LCLAT1: variants seen among roughly 807,000 people sequenced by gnomAD.
The protein encoded by LCLAT1 is 1-AGP acyltransferase 8.
Under a neutral mutation model 30.7 loss-of-function variants are expected in LCLAT1, and 11 were observed. The observed-to-expected ratio is 0.36, with a 90% CI of 0.23 to 0.59. The LOEUF (loss-of-function observed/expected upper bound fraction) is 0.59, where lower values mean the gene tolerates loss of function less well. LCLAT1 is among the 20% of genes least tolerant of loss of function. The probability of loss-of-function intolerance (pLI) is 0.77; values close to 1 mark genes in which losing one functional copy is unlikely to be tolerated. For missense variants in LCLAT1, 402 were observed against 458.6 expected, an observed-to-expected ratio of 0.88 and a Z score of 1.13; for synonymous variants, 155 against 151.3, an observed-to-expected ratio of 1.02 and a Z score of -0.18.
intron 5 of LCLAT1, among the ~76,000 whole-genome samples, chr2:30,624,532 T>C (rs1668414006): frequency 6.6e-6 from 1 of 152,192 alleles, no homozygotes; most frequent in African/African-American, 2.4e-5. Context: ...AGGGACATTA[T>C]ATGATGACAA....
At chr2:30,513,706 C>T (rs955815119) in intron 1 of LCLAT1, among the ~76,000 whole-genome samples, 1 of 152,170 alleles carries the variant, frequency 6.6e-6, no homozygotes, top group Admixed American at 6.5e-5. Flanking sequence ...TTCGTAGTCA[C>T]CCCTCTGCTA....
chr2:30,619,488 AT>A (rs934414371), intron 5 of LCLAT1, among the ~76,000 whole-genome samples: 16 of 152,336 alleles, frequency 1.1e-4, no homozygotes, highest in African/African-American at 3.8e-4. Flanking sequence ...TTTTACAAAT[AT>A]GAAACTTTAC....
rs1417605865 is a variant in LCLAT1 at position 30,481,895 on chromosome 2, C to G, written c.-5+34512C>G. ...CATTATCCATAAATGGCTGTAGGAA[C>G]TTAGTATTGGCCTTTGACTTCCAAT... On this transcript the variant is annotated intron_variant, in intron 1 of 5. Coordinates refer to ENST00000379509, the MANE Select transcript of LCLAT1 (RefSeq NM_001002257.3). Among the ~76,000 whole-genome samples, 29 of 152,146 alleles carry G rather than the reference C, an allele frequency of 1.9e-4. 1 individual carries two copies. The highest frequency in any genetic ancestry group is 1.9e-3 in the Admixed American group (29 of 15,266).
chr2:30,571,444 TAGAC>T (rs1269714716), intron 5 of LCLAT1, among the ~76,000 whole-genome samples: 3 of 152,216 alleles, frequency 2.0e-5, no homozygotes, highest in Admixed American at 1.3e-4. Context: ...ATACCAATCA[TAGAC>T]AGCTTAGTCT....
At chr2:30,633,924 T>C (rs760126698) in intron 5 of LCLAT1, among the ~76,000 whole-genome samples, 1 of 152,118 alleles carries the variant, frequency 6.6e-6, no homozygotes, top group Non-Finnish European at 1.5e-5. Context: ...GTTTTAAACG[T>C]ACAGATGTGT....
chr2:30,485,933 A>G (rs1021014184), intron 1 of LCLAT1, among the ~76,000 whole-genome samples: 1 of 152,176 alleles, frequency 6.6e-6, no homozygotes, highest in African/African-American at 2.4e-5. Context: ...TGGGCTCAGA[A>G]GAGTCAGATG....
intron 3 of LCLAT1, among the ~76,000 whole-genome samples, chr2:30,560,580 C>T (rs546476935): frequency 6.6e-6 from 1 of 152,072 alleles, no homozygotes; most frequent in African/African-American, 2.4e-5. Context: ...TCAGGTGATC[C>T]ATAGCCTCGG....
At chr2:30,631,655 C>T (rs1044795040) in intron 5 of LCLAT1, among the ~76,000 whole-genome samples, 5 of 152,150 alleles carry the variant, frequency 3.3e-5, no homozygotes, top group Admixed American at 1.3e-4. Flanking sequence ...ATTTTTAATG[C>T]ATTATGTGAA....
intron 5 of LCLAT1, among the ~76,000 whole-genome samples, chr2:30,616,769 C>T (rs1230618270): frequency 6.6e-6 from 1 of 151,714 alleles, no homozygotes. Flanking sequence ...CAATGAAAAG[C>T]TTGTCGGATA....
chr2:30,511,472 A>G (rs902745640), intron 1 of LCLAT1, among the ~76,000 whole-genome samples: 2 of 152,224 alleles, frequency 1.3e-5, no homozygotes, highest in African/African-American at 4.8e-5. Context: ...CATTTCTTCA[A>G]TGGCACTAGC....
At chr2:30,487,136 C>T (rs1683595624) in intron 1 of LCLAT1, among the ~76,000 whole-genome samples, 2 of 152,178 alleles carry the variant, frequency 1.3e-5, no homozygotes, top group Non-Finnish European at 2.9e-5. Context: ...GTCTTGCTCA[C>T]ATAGATGGTA....
intron 5 of LCLAT1, among the ~76,000 whole-genome samples, chr2:30,590,360 T>A (rs1420794393): frequency 6.6e-6 from 1 of 151,638 alleles, no homozygotes; most frequent in Non-Finnish European, 1.5e-5. Flanking sequence ...AGTTGATTAG[T>A]TATTCCCTAG....
chr2:30,480,682 G>GT (rs1220331765), intron 1 of LCLAT1, among the ~76,000 whole-genome samples: 2 of 152,174 alleles, frequency 1.3e-5, no homozygotes, highest in African/African-American at 4.8e-5. Context: ...GAGGCCTGGA[G>GT]TTCAAGGCTG....
chr2:30,501,790 C>T (rs1684406026), intron 1 of LCLAT1, among the ~76,000 whole-genome samples: 1 of 152,134 alleles, frequency 6.6e-6, no homozygotes, highest in South Asian at 2.1e-4. Context: ...TTTATGCCTT[C>T]CAATGAATCT....
At chr2:30,558,837 A>G (rs1197947778) in intron 3 of LCLAT1, among the ~76,000 whole-genome samples, 1 of 152,212 alleles carries the variant, frequency 6.6e-6, no homozygotes, top group Non-Finnish European at 1.5e-5. Context: ...CCTATGAGGC[A>G]TCAGTTTCAC....
At chr2:30,590,666 C>T (rs978089082) in intron 5 of LCLAT1, among the ~76,000 whole-genome samples, 2 of 151,756 alleles carry the variant, frequency 1.3e-5, no homozygotes, top group South Asian at 4.2e-4. Flanking sequence ...TCTTATGTTT[C>T]ACTGTTTGAA....
chr2:30,612,818 A>G lies in LCLAT1; in HGVS notation c.629-27299A>G, dbSNP rs115967090. The stretch of plus-strand genomic sequence containing the variant: ...CTGCCAAGAAGTACCCCAGAGACAG[A>G]AGCTCAGCTCAGTTTCCCCTTTTCT... On this transcript the variant is annotated intron_variant, in intron 5 of 5. Coordinates refer to ENST00000379509, the MANE Select transcript of LCLAT1 (RefSeq NM_001002257.3). Among the ~76,000 whole-genome samples the G allele has an allele frequency of 6.0e-3, 909 of 152,308 alleles. 11 individuals carry two copies. The highest frequency in any genetic ancestry group is 0.02 in the African/African-American group (838 of 41,572).
chr2:30,556,226 G>C (rs1359278057), intron 3 of LCLAT1, among the ~76,000 whole-genome samples: 1 of 152,126 alleles, frequency 6.6e-6, no homozygotes, highest in Non-Finnish European at 1.5e-5. Flanking sequence ...AAATGAGTAT[G>C]GCTGAGTGCC....
chr2:30,482,539 A>G (rs1338826104), intron 1 of LCLAT1, among the ~76,000 whole-genome samples: 2 of 152,190 alleles, frequency 1.3e-5, no homozygotes, highest in African/African-American at 4.8e-5. Context: ...GATGTTACTT[A>G]TATTTTGGAG....
Sources: gnomAD v4.1 joint callset for allele counts (sites outside exome capture counted in the v4.1 genomes callset) on GRCh38, gnomAD v4.1.1 for gene constraint, MANE v1.5 for transcripts, NCBI Gene and HGNC (gene_info 2026-07-23, HGNC 2026-07-21) for gene names.